The following ZFP64 variants were observed in gnomAD, a reference collection of about 807,000 sequenced individuals.
ZFP64 encodes zinc finger protein 64.
In ZFP64, 14 loss-of-function variants were observed where a neutral mutation model predicts 51.6. The observed-to-expected ratio is 0.27, with a 90% CI of 0.18 to 0.42. ZFP64 has a LOEUF of 0.42. Ranked by LOEUF, ZFP64 falls within the 10% of genes least tolerant of loss-of-function variation. The pLI is 1.00. For synonymous variants in ZFP64, 375 were observed against 361.4 expected, an observed-to-expected ratio of 1.04 and a Z score of -0.43; for missense variants, 754 against 906.8, an observed-to-expected ratio of 0.83 and a Z score of 2.16.
At chr20:52,101,378 C>A (rs966177841) in intron 5 of ZFP64, among the ~76,000 whole-genome samples, 8 of 61,130 alleles carry the variant, frequency 1.3e-4, no homozygotes, top group African/African-American at 6.5e-4. Flanking sequence ...CAGGGACTTG[C>A]GATTTTTTTT....
intron 3 of ZFP64, chr20:52,165,202 A>G (rs1982151736): frequency 2.2e-6 from 1 of 457,126 alleles, no homozygotes; most frequent in East Asian, 6.9e-5. Context: ...ACACTTGATG[A>G]CGAAATCTGA....
At position 52,165,870 on chromosome 20, in the gene ZFP64, A is replaced by G; in HGVS notation, c.442T>C (p.Tyr148His). Residue 148 changes from tyrosine (Y) to histidine (H), a missense_variant, in exon 3 of 6, where the codon TAT (tyrosine) becomes CAT (histidine). By Grantham distance (83) the Tyr-to-His change is moderately conservative (BLOSUM62 2). Coordinates refer to ENST00000216923, the MANE Select transcript of ZFP64 (RefSeq NM_018197.3). ...GACATAATGCTGCCTTTACCTGGATAGCAACAGTTAAGCCTTTTCTGAGCA... is the reference window on the plus strand; with the variant it reads ...GACATAATGCTGCCTTTACCTGGATGGCAACAGTTAAGCCTTTTCTGAGCA... ...PPAQKRLNCC[Y>H]PGCQFKTAYG... 3 of 1,614,078 alleles carry G rather than the reference A, an allele frequency of 1.9e-6. No homozygotes were observed. The highest frequency in any genetic ancestry group is 2.5e-6 in the Non-Finnish European group (3 of 1,179,950).
intron 5 of ZFP64, among the ~76,000 whole-genome samples, chr20:52,125,671 C>CGGT (rs1431954654): frequency 6.6e-6 from 1 of 152,102 alleles, no homozygotes. Flanking sequence ...GTACCATGTG[C>CGGT]GGTGGGTCAC....
rs143557548 is a variant in ZFP64, at chr20:52,142,937, C to A, written c.763+17186G>T. The stretch of plus-strand genomic sequence containing the variant: ...TAAGAAATTACTACAGCTACCCCAA[C>A]CTTCAGCAACCACAACCCTGATAAG... On this transcript the variant is annotated intron_variant, in intron 5 of 8. Transcript: ENST00000361387. Among the ~76,000 whole-genome samples the A allele has an allele frequency of 1.4e-5, 2 of 141,670 alleles. 1 individual carries two copies. Among genetic ancestry groups the A allele is most frequent in the Non-Finnish European group, 3.1e-5 (2 of 63,922 alleles). The allele number at this position is 141,670 out of a possible 152,430, so 92.9% of individuals were successfully genotyped here. A position where few individuals can be genotyped will look rare whatever the true frequency, so the allele number is the denominator to read the frequency against.
In ZFP64 at chr20:52,152,834, C is replaced by G; in HGVS notation, c.1358G>C (p.Ser453Thr). 3.1e-6 allele frequency: 5 copies of G among 1,614,142 alleles called. No homozygotes were observed. Among genetic ancestry groups the G allele is most frequent in the African/African-American group, 1.3e-5 (1 of 75,064 alleles). ...GAGAACGGTCACGTCCGAGTTCTTA[C>G]TCTCACTGTACTCACTGTGCTGTCT... is the stretch of plus-strand genomic sequence containing the variant. Reference protein sequence around the residue: ...HKRQHSEYSESKNSDVTVLQF... With the variant: ...HKRQHSEYSETKNSDVTVLQF... The change falls in exon 6 of 6, where the codon AGT becomes ACT. Residue 453 changes from serine (S) to threonine (T), a missense_variant. Ser to Thr is a moderately conservative substitution (Grantham distance 58). Coordinates refer to ENST00000216923, the MANE Select transcript of ZFP64 (RefSeq NM_018197.3).
chr20:52,186,319 G>C (rs1356070873), intron 2 of ZFP64, among the ~76,000 whole-genome samples: 2 of 152,000 alleles, frequency 1.3e-5, no homozygotes, highest in East Asian at 3.9e-4. Flanking sequence ...TGACCCATCT[G>C]TAATTTATTT....
In ZFP64 at chr20:52,088,698, A is replaced by T; in HGVS notation, c.977-55T>A. 5 of 1,609,768 alleles carry T rather than the reference A, an allele frequency of 3.1e-6. No homozygotes were observed. The Admixed American group carries it at 8.5e-5, about 27-fold the overall frequency. ...GGTTTTTTGGTCAAGATGGCTACAA[A>T]GATTTGACCAAGATGATAGCCTGGG... On this transcript the variant is annotated intron_variant, in intron 7 of 8. Transcript: ENST00000361387.
At chr20:52,106,815 G>T (rs1978322159) in intron 5 of ZFP64, among the ~76,000 whole-genome samples, 1 of 152,182 alleles carries the variant, frequency 6.6e-6, no homozygotes, top group South Asian at 2.1e-4. Flanking sequence ...ATATACACGT[G>T]GCCGGGTGCG....
intron 2 of ZFP64, among the ~76,000 whole-genome samples, chr20:52,172,516 T>C (rs1982839254): frequency 6.6e-6 from 1 of 152,010 alleles, no homozygotes; most frequent in African/African-American, 2.4e-5. Context: ...GCATAATGAG[T>C]GGCATGGGCC....
At chr20:52,086,950 A>C (rs1286257846) in intron 8 of ZFP64, among the ~76,000 whole-genome samples, 1 of 152,074 alleles carries the variant, frequency 6.6e-6, no homozygotes, top group Non-Finnish European at 1.5e-5. Flanking sequence ...CCTTTGCTAG[A>C]GTTTATCTTC....
intron 5 of ZFP64, among the ~76,000 whole-genome samples, chr20:52,159,245 C>T (rs188296299): frequency 1.1e-3 from 171 of 152,290 alleles, no homozygotes; most frequent in African/African-American, 3.9e-3. Flanking sequence ...AACTGATACA[C>T]CGAAAGAAAA....
At chr20:52,134,313 C>T (rs767403649) in intron 5 of ZFP64, among the ~76,000 whole-genome samples, 8 of 152,190 alleles carry the variant, frequency 5.3e-5, no homozygotes, top group African/African-American at 1.2e-4. Context: ...AGGAGAGAAG[C>T]TTGCCTGTTC....
intron 5 of ZFP64, among the ~76,000 whole-genome samples, chr20:52,116,770 A>G (rs1288616123): frequency 2.6e-5 from 4 of 152,146 alleles, no homozygotes; most frequent in Non-Finnish European, 5.9e-5. Flanking sequence ...CATCATCTCT[A>G]TATACATTTT....
intron 2 of ZFP64, among the ~76,000 whole-genome samples, chr20:52,176,761 G>A (rs1042915628): frequency 5.2e-4 from 78 of 151,450 alleles, no homozygotes; most frequent in African/African-American, 1.9e-3. Context: ...CACCCGCCTC[G>A]GCCTCCCAAA....
Position 52,152,332 on chromosome 20 carries a change from C to T in ZFP64, c.1860G>A (p.Leu620=), listed in dbSNP as rs1289144690. The change falls in exon 6 of 6, where the codon TTG becomes TTA. Residue 620 remains leucine, a synonymous_variant. Coordinates refer to ENST00000216923, the MANE Select transcript of ZFP64 (RefSeq NM_018197.3). ...TCACTTCTGCTGTCCCCTCCTGAAT[C>T]AAGGCGTTTAGGCCTTCAAAGTCAG... ...TCTDFEGLNA[L]IQEGTAEVTV... 1.9e-6 allele frequency: 3 copies of T among 1,614,202 alleles called. No homozygotes were observed. Among genetic ancestry groups the T allele is most frequent in the Non-Finnish European group, 2.5e-6 (3 of 1,180,024 alleles).
In ZFP64 at chr20:52,153,058, G is replaced by A; in HGVS notation, c.1134C>T (p.Phe378=). ...DRPFKCNYCS[F]DTKQPSNLSK... ...TCAGGTTGCTGGGCTGTTTGGTGTC[G>A]AAGCTGCAGTAGTTGCACTTGAAAG... is the stretch of plus-strand genomic sequence containing the variant. Residue 378 remains phenylalanine (F), a synonymous_variant, in exon 6 of 6, where the codon TTC becomes TTT. Transcript: ENST00000216923. This position sits in a 1 kb window ranked among gnomAD's most constrained non-coding sequence, Gnocchi z 5.1. 4 of 1,614,170 alleles carry A rather than the reference G, an allele frequency of 2.5e-6. No homozygotes were observed. In the South Asian group the frequency reaches 3.3e-5, roughly 13 times the overall value.
intron 2 of ZFP64, among the ~76,000 whole-genome samples, chr20:52,185,817 G>A (rs757741761): frequency 6.6e-6 from 1 of 151,810 alleles, no homozygotes; most frequent in Non-Finnish European, 1.5e-5. Flanking sequence ...CTGACCTCAG[G>A]TGATCCACCC....
At chr20:52,134,122 A>G (rs2122889270) in intron 5 of ZFP64, among the ~76,000 whole-genome samples, 1 of 151,888 alleles carries the variant, frequency 6.6e-6, no homozygotes, top group Admixed American at 6.6e-5. Flanking sequence ...AGGCAGATTT[A>G]CTGTGAGAAT....
At chr20:52,135,916 T>C (rs565495669) in intron 5 of ZFP64, among the ~76,000 whole-genome samples, 41 of 151,190 alleles carry the variant, frequency 2.7e-4, no homozygotes, top group African/African-American at 9.2e-4. Context: ...CTGGCCAACA[T>C]GGTGAAACCC....
Sources: gnomAD v4.1 joint callset for allele counts (sites outside exome capture counted in the v4.1 genomes callset) on GRCh38, gnomAD v4.1.1 for gene constraint, Gnocchi (gnomAD v3.1) non-coding constraint, MANE v1.5 for transcripts, NCBI Gene and HGNC (gene_info 2026-07-23, HGNC 2026-07-21) for gene names.